Variants in HSPG2 observed in about 807,000 individuals in gnomAD.
HSPG2 encodes basement membrane-specific heparan sulfate proteoglycan core protein.
A neutral mutation model predicts 526.6 loss-of-function variants in HSPG2; 278 were observed. That is an observed-to-expected ratio of 0.53 (90% CI 0.48 to 0.58). The LOEUF is 0.58. Ranked by LOEUF, HSPG2 falls within the 20% of genes least tolerant of loss-of-function variation. The probability of loss-of-function intolerance (pLI) is 0.00; values close to 1 mark genes in which losing one functional copy is unlikely to be tolerated. For missense variants in HSPG2, 5,354 were observed against 6,099.5 expected (o/e 0.88, Z 4.07); for synonymous variants, 2,465 against 2,555.4 (o/e 0.96, Z 1.07).
At chr1:21,933,922 AG>A (rs547787066) in intron 1 of HSPG2, among the ~76,000 whole-genome samples, 33 of 152,322 alleles carry the variant, frequency 2.2e-4, no homozygotes, top group African/African-American at 7.5e-4. Context: ...CAGCCTCCCC[AG>A]TGAGGAAATC....
chr1:21,920,484 G>A (rs1016870300), intron 1 of HSPG2, among the ~76,000 whole-genome samples: 3 of 152,216 alleles, frequency 2.0e-5, no homozygotes, highest in Non-Finnish European at 4.4e-5. Flanking sequence ...AAAAAGAGGC[G>A]CTGGGCCATC....
chr1:21,934,351 T>C (rs552052773), intron 1 of HSPG2, among the ~76,000 whole-genome samples: 1 of 152,328 alleles, frequency 6.6e-6, no homozygotes, highest in African/African-American at 2.4e-5. Context: ...ATCTCATTTT[T>C]GACTTGCAAC....
rs1404788499 is a variant in HSPG2 at position 21,842,006 on chromosome 1, C to G, written c.9189G>C (p.Leu3063=). The change falls in exon 69 of 97, where the codon CTG becomes CTC. Residue 3063 remains leucine, a synonymous_variant. Transcript: ENST00000374695. ...SLEWKTRNQE[L]EDNVHISPNG... ...CTGCCCACCAGCCTGGCTCACCCTC[C>G]AGCTCCTGGTTCCGGGTCTTCCACT... 6.2e-7 allele frequency: 1 copy of G among 1,613,390 alleles called. No individual in the cohort carries two copies. Among genetic ancestry groups the G allele is most frequent in the Non-Finnish European group, 8.5e-7 (1 of 1,180,022 alleles).
At chr1:21,936,650 T>C (rs1388744969) in intron 1 of HSPG2, among the ~76,000 whole-genome samples, 4 of 152,184 alleles carry the variant, frequency 2.6e-5, no homozygotes, top group Non-Finnish European at 4.4e-5. Context: ...AAGCTTCAGT[T>C]CTGTCCCAAA....
chr1:21,868,915 C>T, intron 33 of HSPG2: 3 of 984,032 alleles, frequency 3.0e-6, no homozygotes, highest in Non-Finnish European at 3.6e-6. Flanking sequence ...GGGGCAGCTG[C>T]CAGTAATAGA....
intron 47 of HSPG2, 89 bp from the exon 48 acceptor site, chr1:21,855,072 G>C: frequency 6.5e-7 from 1 of 1,527,064 alleles, no homozygotes; most frequent in Non-Finnish European, 8.9e-7. Flanking sequence ...GGGAGAGGCA[G>C]GTGCAGGGCC....
Position 21,855,600 on chromosome 1 carries a change from G to T in HSPG2, c.5777C>A (p.Thr1926Lys). Reference protein sequence around the residue: ...GILRLPAVEPTDQAQYLCRAH... With the variant: ...GILRLPAVEPKDQAQYLCRAH... ...TCGGCACAAGTACTGGGCCTGATCC[G>T]TGGGCTCGACAGCTGGCAGGCGCAG... The change falls in exon 46 of 97, where the codon ACG (threonine) becomes AAG (lysine). Residue 1926 changes from threonine (T) to lysine (K), a missense_variant. Thr to Lys is a moderately conservative substitution (Grantham distance 78, BLOSUM62 -1). Coordinates refer to ENST00000374695, the MANE Select transcript of HSPG2 (RefSeq NM_005529.7). 1 of 1,584,726 alleles carries T rather than the reference G, an allele frequency of 6.3e-7. No homozygotes were observed. The highest frequency in any genetic ancestry group is 8.6e-7 in the Non-Finnish European group (1 of 1,167,756).
At chr1:21,829,718 C>A in intron 86 of HSPG2, 114 bp from the exon 87 acceptor site, 1 of 954,944 alleles carries the variant, frequency 1.0e-6, no homozygotes, top group South Asian at 1.7e-5. Context: ...GGCCCAGAGG[C>A]TCAGGACCAG....
chr1:21,841,632 C>T lies in HSPG2; in HGVS notation c.9235G>A (p.Val3079Met), dbSNP rs187525491. 1,011 of 1,614,130 alleles carry T rather than the reference C, an allele frequency of 6.3e-4. No homozygotes were observed. The highest frequency in any genetic ancestry group is 8.2e-4 in the Non-Finnish European group (965 of 1,180,030). ...CCGTGGTTGCTGGGCCGGGTGCCCACGATGGTGATGATGGAGCCATTGGGA... is the reference window on the plus strand; with the variant it reads ...CCGTGGTTGCTGGGCCGGGTGCCCATGATGGTGATGATGGAGCCATTGGGA... Reference protein sequence around the residue: ...ISPNGSIITIVGTRPSNHGTY... With the variant: ...ISPNGSIITIMGTRPSNHGTY... Residue 3079 changes from valine (V) to methionine (M), a missense_variant, in exon 70 of 97, where the codon GTG becomes ATG. Val to Met is a conservative substitution (Grantham distance 21). Coordinates refer to ENST00000374695, the MANE Select transcript of HSPG2 (RefSeq NM_005529.7).
chr1:21,825,415 T>C (rs2097968694), intron 91 of HSPG2, among the ~76,000 whole-genome samples: 1 of 152,218 alleles, frequency 6.6e-6, no homozygotes, highest in East Asian at 1.9e-4. Flanking sequence ...ACTGGGACCG[T>C]TGGTCACCTT....
intron 13 of HSPG2, among the ~76,000 whole-genome samples, chr1:21,881,724 C>A (rs1337247821): frequency 6.6e-6 from 1 of 152,072 alleles, no homozygotes; most frequent in Admixed American, 6.5e-5. Flanking sequence ...GGGCAGATCA[C>A]TTGAGGCCAG....
At position 21,838,980 on chromosome 1, in the gene HSPG2, C is replaced by T; in HGVS notation, c.9995G>A (p.Trp3332Ter). 3 of 1,612,592 alleles carry T rather than the reference C, an allele frequency of 1.9e-6. No homozygotes were observed. Among genetic ancestry groups the T allele is most frequent in the Non-Finnish European group, 2.5e-6 (3 of 1,179,036 alleles). Residue 3332 changes from tryptophan to a stop codon, truncating the protein, a stop_gained, in exon 74 of 97, where the codon TGG becomes TAG. Transcript: ENST00000374695. LOFTEE classifies it high-confidence loss of function. ...AGGAAGGCTGCTGCCCACGCGGCTC[C>T]ACTGGAAGGTGAGTGGGGGTGTCCC... ...AHGTPPLTFQ[W>*]SRVGSSLPGR...
At position 21,852,241 on chromosome 1, in the gene HSPG2, A is replaced by G; in HGVS notation, c.6725-8T>C. The G allele has an allele frequency of 1.9e-6, 3 of 1,613,944 alleles. No homozygotes were observed. The highest frequency in any genetic ancestry group is 2.2e-5 in the South Asian group (2 of 91,082). On this transcript the variant is annotated splice_polypyrimidine_tract_variant and splice_region_variant and intron_variant, in intron 52 of 96. Coordinates refer to ENST00000374695, the MANE Select transcript of HSPG2 (RefSeq NM_005529.7). ...TGACAGGTGGGATGGGTCCTGCAGCAGTGGGGATGGGAGTGAGAGTTGTAG... is the reference window on the plus strand; with the variant it reads ...TGACAGGTGGGATGGGTCCTGCAGCGGTGGGGATGGGAGTGAGAGTTGTAG...
At position 21,880,463 on chromosome 1, in the gene HSPG2, T is replaced by G. The variant is rs761748495; in HGVS notation, c.2095A>C (p.Asn699His). ...AGTCCCACGCTGGCCATCTTGGTGT[T>G]GTACACGGTCTGGATGAGCACGGCC... ...LEAVLIQTVYNTKMASVGLSD... is the reference protein window; with the variant it reads ...LEAVLIQTVYHTKMASVGLSD... The change falls in exon 16 of 97, where the codon AAC (asparagine) becomes CAC (histidine). Residue 699 changes from asparagine to histidine, a missense_variant. Physicochemically the swap from Asn to His is moderately conservative, Grantham distance 68. Transcript: ENST00000374695. 19 of 1,613,802 alleles carry G rather than the reference T, an allele frequency of 1.2e-5. No individual in the cohort carries two copies. The highest frequency in any genetic ancestry group is 1.6e-5 in the Non-Finnish European group (19 of 1,179,990).
At chr1:21,889,672 A>G (rs1642205967) in intron 6 of HSPG2, 3 of 356,690 alleles carry the variant, frequency 8.4e-6, no homozygotes, top group Non-Finnish European at 1.6e-5. Flanking sequence ...ACAGTTGCTC[A>G]TTATTATTAA....
chr1:21,873,823 G>A (rs866995207), intron 29 of HSPG2, 102 bp downstream of exon 29: 29 of 984,840 alleles, frequency 2.9e-5, no homozygotes, highest in African/African-American at 2.8e-4. Flanking sequence ...AAGAGCGAGA[G>A]GCATCCCTGA....
intron 52 of HSPG2, 76 bp from the exon 53 acceptor site, chr1:21,852,309 T>C (rs1439237542): frequency 4.5e-6 from 7 of 1,560,722 alleles, no homozygotes; most frequent in Non-Finnish European, 6.2e-6. Context: ...ACCCTGCAGC[T>C]AGCTCAGCCC....
Position 21,828,970 on chromosome 1 carries a change from A to C in HSPG2, c.12102T>G (p.Pro4034=). The C allele has an allele frequency of 6.3e-7, 1 of 1,576,892 alleles. No homozygotes were observed. Among genetic ancestry groups the C allele is most frequent in the South Asian group, 1.2e-5 (1 of 85,912 alleles). ...TCTTGCCGGGCGAGGAGCGCAGCAC[A>C]GGGCGTCCACCATTCACCCGCAGGC... ...DGSLRVNGGR[P]VLRSSPGKSQ... is the part of the protein sequence containing the mutation. Residue 4034 remains proline, a synonymous_variant, in exon 88 of 97, where the codon CCT becomes CCG. Coordinates refer to ENST00000374695, the MANE Select transcript of HSPG2 (RefSeq NM_005529.7). This position sits in a 1 kb window ranked among gnomAD's most constrained non-coding sequence, Gnocchi z 6.0.
At position 21,884,825 on chromosome 1, in the gene HSPG2, G is replaced by A. The variant is rs529678982; in HGVS notation, c.1449C>T (p.Asn483=). 1.4e-5 allele frequency: 23 copies of A among 1,613,732 alleles called. No homozygotes were observed. The highest frequency in any genetic ancestry group is 1.8e-5 in the Non-Finnish European group (21 of 1,180,030). The change falls in exon 12 of 97, where the codon AAC becomes AAT. Residue 483 remains asparagine, a synonymous_variant. Coordinates refer to ENST00000374695, the MANE Select transcript of HSPG2 (RefSeq NM_005529.7). The part of the protein sequence containing the change: ...DQGAYTCEAM[N]ARGMVFGIPD... Reference sequence around the variant, plus strand: ...GAATGCCAAACACCATGCCCCGGGCGTTCATGGCCTCACAGGTGTAGGCAC... The same window carrying A: ...GAATGCCAAACACCATGCCCCGGGCATTCATGGCCTCACAGGTGTAGGCAC...
Sources: gnomAD v4.1 joint callset for allele counts (sites outside exome capture counted in the v4.1 genomes callset) on GRCh38, gnomAD v4.1.1 for gene constraint, Gnocchi (gnomAD v3.1) non-coding constraint, MANE v1.5 for transcripts, NCBI Gene and HGNC (gene_info 2026-07-23, HGNC 2026-07-21) for gene names.